The following BTBD16 variants were observed in gnomAD, a reference collection of about 807,000 sequenced individuals.
The protein encoded by BTBD16 is BTB/POZ domain-containing protein 16.
Under a neutral mutation model 67.4 loss-of-function variants are expected in BTBD16, and 66 were observed. The ratio of observed to expected loss-of-function variants is 0.98; its 90% CI spans 0.80 to 1.20. BTBD16 has a LOEUF of 1.20. Among genes scored for constraint, BTBD16 ranks in the 50% most tolerant of loss-of-function variants. BTBD16 has a pLI of 0.00. For missense variants in BTBD16, 634 were observed against 616.0 expected, an observed-to-expected ratio of 1.03 and a Z score of -0.31; for synonymous variants, 242 against 236.4, an observed-to-expected ratio of 1.02 and a Z score of -0.22.
intron 10 of BTBD16, among the ~76,000 whole-genome samples, chr10:122,315,171 T>C (rs1209975491): frequency 6.6e-6 from 1 of 152,198 alleles, no homozygotes; most frequent in African/African-American, 2.4e-5. Context: ...TGTGGTAAAA[T>C]ATATTAATTT....
chr10:122,326,106 C>T (rs1490627910), intron 10 of BTBD16, among the ~76,000 whole-genome samples: 1 of 151,368 alleles, frequency 6.6e-6, no homozygotes, highest in South Asian at 2.1e-4. Flanking sequence ...TTTTTTCAAA[C>T]GTTGTCTTAA....
At chr10:122,309,901 A>T (rs1402537313) in intron 10 of BTBD16, among the ~76,000 whole-genome samples, 1 of 151,224 alleles carries the variant, frequency 6.6e-6, no homozygotes, top group African/African-American at 2.4e-5. Flanking sequence ...CCTCCCAAGT[A>T]GCTGGGACTA....
chr10:122,331,444 T>C (rs984782784), intron 12 of BTBD16, 186 bp downstream of exon 12: 1 of 548,316 alleles, frequency 1.8e-6, no homozygotes, highest in Admixed American at 6.4e-5. Flanking sequence ...AGACCCAGCC[T>C]TGGAATCCGG....
chr10:122,328,616 A>T, intron 10 of BTBD16: 1 of 303,192 alleles, frequency 3.3e-6, no homozygotes, highest in Non-Finnish European at 4.9e-6. Context: ...CTCTTGATTT[A>T]CGGAAAAATA....
intron 10 of BTBD16, among the ~76,000 whole-genome samples, chr10:122,314,760 G>A (rs1057114165): frequency 6.6e-6 from 1 of 151,934 alleles, no homozygotes; most frequent in Non-Finnish European, 1.5e-5. Flanking sequence ...ACATTCTCTT[G>A]TATGTTTTCT....
chr10:122,299,496 A>G (rs1183558123), intron 9 of BTBD16, among the ~76,000 whole-genome samples: 4 of 152,024 alleles, frequency 2.6e-5, no homozygotes, highest in African/African-American at 4.8e-5. Context: ...ATCAGCTTAC[A>G]TCTCCGGCGC....
rs1470946891 is a variant in BTBD16, at chr10:122,327,663, C to T, written c.912-1817C>T. ...CATCATTGCCACTTCCCAGAGGCCCCAAGGGGTCATAAAGTCCAACAAGCT... is the reference window on the plus strand; with the variant it reads ...CATCATTGCCACTTCCCAGAGGCCCTAAGGGGTCATAAAGTCCAACAAGCT... On this transcript the variant is annotated intron_variant, in intron 10 of 15. Transcript: ENST00000260723. The T allele has an allele frequency of 3.0e-6, 3 of 983,784 alleles. No homozygotes were observed. In the African/African-American group the frequency reaches 5.2e-5, roughly 17 times the overall value. 60.9% of individuals were successfully genotyped at this position (983,784 alleles called of 1,614,324 possible).
intron 10 of BTBD16, among the ~76,000 whole-genome samples, chr10:122,319,630 A>T (rs1259926548): frequency 2.6e-5 from 4 of 152,128 alleles, no homozygotes; most frequent in Admixed American, 1.3e-4. Context: ...CATTTTTACT[A>T]AGTCTTGACA....
At chr10:122,273,221 G>GATATATATAT (rs71715395) in intron 1 of BTBD16, among the ~76,000 whole-genome samples, 1,347 of 129,376 alleles carry the variant, frequency 0.01, 25 homozygotes, top group African/African-American at 0.029. Flanking sequence ...GCAACACAAA[G>GATATATATAT]ATATATATAT....
At chr10:122,312,369 G>A (rs1007158564) in intron 10 of BTBD16, among the ~76,000 whole-genome samples, 31 of 143,214 alleles carry the variant, frequency 2.2e-4, no homozygotes, top group African/African-American at 8.1e-4. Context: ...CTGGAGTGCG[G>A]TGGCATAGTC....
intron 3 of BTBD16, among the ~76,000 whole-genome samples, chr10:122,280,286 C>A (rs902135031): frequency 2.6e-5 from 4 of 152,192 alleles, no homozygotes; most frequent in African/African-American, 9.7e-5. Context: ...TCAAGCATGT[C>A]CCTGGGGTCC....
At chr10:122,288,932 G>C (rs1321843724) in intron 5 of BTBD16, among the ~76,000 whole-genome samples, 1 of 152,184 alleles carries the variant, frequency 6.6e-6, no homozygotes, top group Non-Finnish European at 1.5e-5. Flanking sequence ...TGGGGCCTTG[G>C]CTTTTGTGCC....
chr10:122,277,166 T>TC (rs2096342613), intron 3 of BTBD16, among the ~76,000 whole-genome samples: 1 of 150,476 alleles, frequency 6.6e-6, no homozygotes, highest in African/African-American at 2.5e-5. Flanking sequence ...ATTTTTTTTT[T>TC]TTTTTTTTTA....
At chr10:122,309,188 G>A (rs1286064233) in intron 10 of BTBD16, among the ~76,000 whole-genome samples, 4 of 152,010 alleles carry the variant, frequency 2.6e-5, no homozygotes, top group Admixed American at 2.0e-4. Flanking sequence ...GTACAGTGGC[G>A]TGATCATAGC....
chr10:122,271,897 G>C (rs566759452), intron 1 of BTBD16, among the ~76,000 whole-genome samples: 419 of 152,320 alleles, frequency 2.8e-3, no homozygotes, highest in Non-Finnish European at 4.6e-3. Flanking sequence ...CCCTCTCTCT[G>C]TAACTGAAGC....
chr10:122,321,864 G>A (rs75933146), intron 10 of BTBD16, among the ~76,000 whole-genome samples: 21,849 of 152,026 alleles, frequency 0.14, 2,100 homozygotes, highest in Non-Finnish European at 0.21. Context: ...TGTTTTTATT[G>A]CAATTGCTTT....
chr10:122,329,433 G>A, intron 10 of BTBD16, 47 bp from the exon 11 acceptor site: 1 of 1,577,220 alleles, frequency 6.3e-7, no homozygotes, highest in Non-Finnish European at 8.7e-7. Context: ...TAATTCCAGA[G>A]AGGAGTTTGC....
At chr10:122,294,633 G>C (rs1208617821) in intron 7 of BTBD16, among the ~76,000 whole-genome samples, 1 of 152,240 alleles carries the variant, frequency 6.6e-6, no homozygotes, top group Non-Finnish European at 1.5e-5. Context: ...GGGCCAGAGG[G>C]GCATTTCCTT....
chr10:122,316,240 C>T (rs955390611), intron 10 of BTBD16, among the ~76,000 whole-genome samples: 7 of 152,178 alleles, frequency 4.6e-5, no homozygotes, highest in Admixed American at 4.6e-4. Context: ...GCATTCCAGC[C>T]TGGGTGACTG....
Sources: gnomAD v4.1 joint callset for allele counts (sites outside exome capture counted in the v4.1 genomes callset) on GRCh38, gnomAD v4.1.1 for gene constraint, MANE v1.5 for transcripts, NCBI Gene and HGNC (gene_info 2026-07-23, HGNC 2026-07-21) for gene names.